The following ADAMTS12 variants were observed in gnomAD, a reference collection of about 807,000 sequenced individuals.
The protein encoded by ADAMTS12 is ADAM metallopeptidase with thrombospondin type 1 motif 12.
In ADAMTS12, 118 loss-of-function variants were observed where a neutral mutation model predicts 167.8. The ratio of observed to expected loss-of-function variants is 0.70; its 90% CI spans 0.61 to 0.82. The LOEUF is 0.82. ADAMTS12 is among the 40% of genes least tolerant of loss of function. ADAMTS12 has a pLI of 0.00. For synonymous variants in ADAMTS12, 704 were observed against 716.9 expected (o/e 0.98, Z 0.29); for missense variants, 1,916 against 1,998.8 (o/e 0.96, Z 0.79).
chr5:33,781,633 A>C (rs975334065), intron 2 of ADAMTS12, among the ~76,000 whole-genome samples: 3 of 152,164 alleles, frequency 2.0e-5, no homozygotes, highest in Admixed American at 2.0e-4. Flanking sequence ...TGAAAGGTCA[A>C]CCAGTAAATT....
chr5:33,658,045 GT>G, intron 7 of ADAMTS12, 138 bp downstream of exon 7: 1 of 1,080,008 alleles, frequency 9.3e-7, no homozygotes, highest in Non-Finnish European at 1.4e-6. Flanking sequence ...GAAAGCAGAG[GT>G]TGAGGAGGGT....
rs865988380 is a variant in ADAMTS12, at chr5:33,679,562, C to G, written c.915+3456G>C. Among the ~76,000 whole-genome samples, 4 of 152,194 alleles carry G rather than the reference C, an allele frequency of 2.6e-5. No individual in the cohort carries two copies. In the South Asian group the frequency reaches 6.2e-4, roughly 24 times the overall value. On this transcript the variant is annotated intron_variant, in intron 5 of 23. Coordinates refer to ENST00000504830, the MANE Select transcript of ADAMTS12 (RefSeq NM_030955.4). ...CATGGGGGAAACCACCTCCATGTTT[C>G]AATTAGCCTAACCGTATCACTTCCT... is the stretch of plus-strand genomic sequence containing the variant.
chr5:33,580,925 A>G (rs1453485972), intron 18 of ADAMTS12, among the ~76,000 whole-genome samples: 2 of 152,148 alleles, frequency 1.3e-5, no homozygotes, highest in Non-Finnish European at 2.9e-5. Flanking sequence ...CCTTCCATCC[A>G]CATCTACTTT....
intron 3 of ADAMTS12, among the ~76,000 whole-genome samples, chr5:33,726,027 C>T (rs1335641287): frequency 6.6e-6 from 1 of 152,234 alleles, no homozygotes; most frequent in Non-Finnish European, 1.5e-5. Context: ...GAGGCTGAGT[C>T]ATTTGCTCCA....
chr5:33,566,069 G>A (rs700934), intron 19 of ADAMTS12, among the ~76,000 whole-genome samples: 20,918 of 152,084 alleles, frequency 0.14, 2,522 homozygotes, highest in East Asian at 0.46. Flanking sequence ...TGTTTTTAGA[G>A]ACAATTTCAG....
chr5:33,638,395 C>T (rs139609410), intron 11 of ADAMTS12, among the ~76,000 whole-genome samples: 1 of 152,322 alleles, frequency 6.6e-6, no homozygotes, highest in East Asian at 1.9e-4. Context: ...AAAGCTCTCA[C>T]AATCCTGCCT....
intron 2 of ADAMTS12, among the ~76,000 whole-genome samples, chr5:33,794,871 C>T (rs1261124735): frequency 6.6e-6 from 1 of 152,164 alleles, no homozygotes; most frequent in Non-Finnish European, 1.5e-5. Flanking sequence ...GAGCTGTCAT[C>T]AGTGAAAAAT....
chr5:33,632,817 C>T (rs1221606041), intron 12 of ADAMTS12, among the ~76,000 whole-genome samples: 2 of 152,138 alleles, frequency 1.3e-5, no homozygotes, highest in African/African-American at 4.8e-5. Context: ...TAGAAAGCGG[C>T]CCTGAATAAT....
chr5:33,721,772 C>A (rs548893016), intron 3 of ADAMTS12, among the ~76,000 whole-genome samples: 3 of 152,316 alleles, frequency 2.0e-5, no homozygotes, highest in South Asian at 2.1e-4. Flanking sequence ...TCACCACCTG[C>A]TTCTTCCTTT....
intron 2 of ADAMTS12, among the ~76,000 whole-genome samples, chr5:33,861,030 A>G (rs953740417): frequency 1.3e-5 from 2 of 152,220 alleles, no homozygotes; most frequent in Admixed American, 1.3e-4. Context: ...CTCCTGAAGG[A>G]AACACTAAAT....
intron 3 of ADAMTS12, among the ~76,000 whole-genome samples, chr5:33,698,586 T>G (rs1742870869): frequency 6.6e-6 from 1 of 151,992 alleles, no homozygotes; most frequent in Non-Finnish European, 1.5e-5. Flanking sequence ...AGTAGTTGCT[T>G]CTTCTAACAA....
intron 2 of ADAMTS12, among the ~76,000 whole-genome samples, chr5:33,856,915 T>C (rs952106436): frequency 3.9e-5 from 6 of 152,208 alleles, no homozygotes; most frequent in Non-Finnish European, 5.9e-5. Context: ...CCCAAAGGAA[T>C]TGAAATCACT....
chr5:33,887,831 G>A lies in ADAMTS12; in HGVS notation c.127+3899C>T, dbSNP rs531086127. 3.3e-5 allele frequency among the ~76,000 whole-genome samples: 5 copies of A among 151,686 alleles called. No individual in the cohort carries two copies. In the East Asian group the frequency reaches 9.7e-4, roughly 29 times the overall value. On this transcript the variant is annotated intron_variant, in intron 1 of 23. Coordinates refer to ENST00000504830, the MANE Select transcript of ADAMTS12 (RefSeq NM_030955.4). ...ATCTTGGCGGCCCACTGCAACCTCT[G>A]CCTCCAGGGTTAAAGAGATTTTCCT...
At chr5:33,653,596 GTCTTT>G (rs1235774130) in intron 7 of ADAMTS12, among the ~76,000 whole-genome samples, 1 of 152,008 alleles carries the variant, frequency 6.6e-6, no homozygotes, top group African/African-American at 2.4e-5. Context: ...TTGTCGACAG[GTCTTT>G]TCTTTTAACA....
At chr5:33,662,147 T>G in intron 5 of ADAMTS12, 107 bp from the exon 6 acceptor site, 1 of 1,432,322 alleles carries the variant, frequency 7.0e-7, no homozygotes, top group Non-Finnish European at 9.5e-7. Context: ...GAATTCAGGG[T>G]GGGTGCATCA....
At chr5:33,549,118 T>C in intron 21 of ADAMTS12, 89 bp downstream of exon 21, 1 of 1,477,060 alleles carries the variant, frequency 6.8e-7, no homozygotes, top group Non-Finnish European at 9.2e-7. Flanking sequence ...AGGTGTGGTC[T>C]TCCCTGATTT....
intron 12 of ADAMTS12, among the ~76,000 whole-genome samples, chr5:33,636,915 T>C (rs2112161333): frequency 6.6e-6 from 1 of 152,308 alleles, no homozygotes; most frequent in South Asian, 2.1e-4. Flanking sequence ...CTCCATTATG[T>C]CCCCATCCCT....
chr5:33,889,502 C>G (rs1237325456), intron 1 of ADAMTS12, among the ~76,000 whole-genome samples: 1 of 152,198 alleles, frequency 6.6e-6, no homozygotes, highest in Non-Finnish European at 1.5e-5. Context: ...ATTTCATTCT[C>G]TACTGGTTTG....
intron 2 of ADAMTS12, among the ~76,000 whole-genome samples, chr5:33,812,115 G>C (rs960264368): frequency 6.6e-6 from 1 of 151,998 alleles, no homozygotes; most frequent in African/African-American, 2.4e-5. Context: ...GAAAGACCTC[G>C]TTTCTACAAA....
Sources: allele counts gnomAD v4.1 joint callset (sites outside exome capture counted in the v4.1 genomes callset), GRCh38; gene constraint gnomAD v4.1.1; transcripts MANE v1.5; gene names NCBI Gene and HGNC (gene_info 2026-07-23, HGNC 2026-07-21).